The following HDAC3 variants were observed in gnomAD, a reference collection of about 807,000 sequenced individuals.
HDAC3 encodes histone deacetylase 3, also known as SMAP45.
Under a neutral mutation model 62.3 loss-of-function variants are expected in HDAC3, and 21 were observed. That is an observed-to-expected ratio of 0.34 (90% CI 0.24 to 0.49). HDAC3 has a LOEUF of 0.49. Ranked by LOEUF, HDAC3 falls within the 20% of genes least tolerant of loss-of-function variation. The probability of loss-of-function intolerance (pLI) is 0.99; values close to 1 mark genes in which losing one functional copy is unlikely to be tolerated. For synonymous variants in HDAC3, 198 were observed against 206.5 expected, an observed-to-expected ratio of 0.96 and a Z score of 0.35; for missense variants, 270 against 556.9, an observed-to-expected ratio of 0.48 and a Z score of 5.19.
rs1438561064 is a variant in HDAC3 at position 141,621,460 on chromosome 5, A to G, written c.*8T>C. ...AAATTCCTTGGGACACAGCATCCCA[A>G]GCCACTCTTAAATCTCCACATCGCT... is the stretch of plus-strand genomic sequence containing the variant. On this transcript the variant is annotated 3_prime_UTR_variant, in exon 15 of 15. Transcript: ENST00000305264. 1 of 1,613,256 alleles carries G rather than the reference A, an allele frequency of 6.2e-7. No individual in the cohort carries two copies.
Position 141,634,902 on chromosome 5 carries a change from C to T in HDAC3, c.190G>A (p.Glu64Lys). The T allele has an allele frequency of 6.2e-7, 1 of 1,614,110 alleles. No individual in the cohort carries two copies. The highest frequency in any genetic ancestry group is 8.5e-7 in the Non-Finnish European group (1 of 1,180,022). The change falls in exon 3 of 15, where the codon GAG (glutamate) becomes AAG (lysine). Residue 64 changes from glutamate (E) to lysine (K), a missense_variant. By Grantham distance (56) the Glu-to-Lys change is moderately conservative (BLOSUM62 1). Coordinates refer to ENST00000305264, the MANE Select transcript of HDAC3 (RefSeq NM_003883.4). The part of the protein sequence containing the change: ...SQHDMCRFHS[E>K]DYIDFLQRVS... ...CTCTGCAGGAAGTCAATGTAGTCCT[C>T]GGAGTGGAAGCGGCACATGTCATGT...
At chr5:141,630,545 T>C (rs2099905048) in intron 3 of HDAC3, among the ~76,000 whole-genome samples, 1 of 152,238 alleles carries the variant, frequency 6.6e-6, no homozygotes, top group Admixed American at 6.5e-5. Flanking sequence ...TACCTACATA[T>C]GTGAAACAGT....
In HDAC3 at chr5:141,630,591, T is replaced by C. The variant is rs369479318; in HGVS notation, c.282-466A>G. The stretch of plus-strand genomic sequence containing the variant: ...CCCACGAAAAGCCTGTAGCACAGTA[T>C]ACAGTATCCGCTCAGCCTTTAATAA... On this transcript the variant is annotated intron_variant, in intron 3 of 14. Transcript: ENST00000305264. Among the ~76,000 whole-genome samples, 78 of 152,354 alleles carry C rather than the reference T, an allele frequency of 5.1e-4. No individual in the cohort carries two copies. In the South Asian group the frequency reaches 7.7e-3, roughly 15 times the overall value.
At chr5:141,635,817 A>G (rs2099905890) in intron 2 of HDAC3, 1 of 152,230 alleles carries the variant, frequency 6.6e-6, no homozygotes, top group African/African-American at 2.4e-5. Context: ...CTGTGGCCCA[A>G]GCTGGTCTCC....
rs749513334 is a variant in HDAC3 at position 141,628,008 on chromosome 5, C to A, written c.766-51G>T. On this transcript the variant is annotated intron_variant, in intron 9 of 14. Transcript: ENST00000305264. This position sits in a 1 kb window ranked among gnomAD's most constrained non-coding sequence, Gnocchi z 4.7. ...GTGCAGTGATCAGAACTGATCAGAACATCACAGATACCCCTTCCACCACCA... is the reference window on the plus strand; with the variant it reads ...GTGCAGTGATCAGAACTGATCAGAAAATCACAGATACCCCTTCCACCACCA... 1.9e-5 allele frequency: 30 copies of A among 1,606,476 alleles called. No individual in the cohort carries two copies. The highest frequency in any genetic ancestry group is 2.5e-5 in the Non-Finnish European group (29 of 1,173,102).
intron 3 of HDAC3, among the ~76,000 whole-genome samples, 172 bp downstream of exon 3, chr5:141,634,639 G>A (rs773773353): frequency 1.3e-5 from 2 of 152,128 alleles, no homozygotes; most frequent in Non-Finnish European, 2.9e-5. Flanking sequence ...ACTTAGCACA[G>A]GGCCTGCCTA....
chr5:141,628,212 C>A lies in HDAC3; in HGVS notation c.692-25G>T, dbSNP rs763787232. 6 of 1,601,184 alleles carry A rather than the reference C, an allele frequency of 3.7e-6. No individual in the cohort carries two copies. Among genetic ancestry groups the A allele is most frequent in the South Asian group, 3.3e-5 (3 of 90,842 alleles). ...CCTGGGAGAGGGCCAAAGATGGGCA[C>A]CTGGCACCCCAAGGGGATGGGGAGA... On this transcript the variant is annotated intron_variant, in intron 8 of 14. Coordinates refer to ENST00000305264, the MANE Select transcript of HDAC3 (RefSeq NM_003883.4). The surrounding 1 kb of genome is among the most constrained non-coding windows in gnomAD (Gnocchi z 4.7).
chr5:141,626,318 G>T lies in HDAC3; in HGVS notation c.831-35C>A. ...GGAACCAGAGGAAGATGTGGAGGAG[G>T]TTATCAAAAGACAAGGTAAATACCT... On this transcript the variant is annotated intron_variant, in intron 10 of 14. Coordinates refer to ENST00000305264, the MANE Select transcript of HDAC3 (RefSeq NM_003883.4). This position sits in a 1 kb window ranked among gnomAD's most constrained non-coding sequence, Gnocchi z 4.6. The T allele has an allele frequency of 6.5e-7, 1 of 1,530,704 alleles. No homozygotes were observed. The highest frequency in any genetic ancestry group is 1.7e-4 in the Middle Eastern group (1 of 5,890). 94.8% of individuals were successfully genotyped at this position (1,530,704 alleles called of 1,614,324 possible). A position where few individuals can be genotyped will look rare whatever the true frequency, so the allele number is the denominator to read the frequency against.
chr5:141,630,611 TAATA>T (rs1409452055), intron 3 of HDAC3, among the ~76,000 whole-genome samples: 1 of 152,238 alleles, frequency 6.6e-6, no homozygotes, highest in Non-Finnish European at 1.5e-5. Flanking sequence ...GCTCAGCCTT[TAATA>T]AATGTCAGCT....
chr5:141,634,034 G>A (rs1057483989), intron 3 of HDAC3, among the ~76,000 whole-genome samples: 1 of 152,044 alleles, frequency 6.6e-6, no homozygotes, highest in Non-Finnish European at 1.5e-5. Flanking sequence ...GTAGAGTGTG[G>A]CTTATCTTTG....
intron 14 of HDAC3, among the ~76,000 whole-genome samples, chr5:141,621,945 G>A (rs527517674): frequency 1.3e-5 from 2 of 152,344 alleles, no homozygotes; most frequent in South Asian, 2.1e-4. Context: ...CCTAAAGTCT[G>A]AGGAGGAGCT....
chr5:141,636,327 A>T, intron 2 of HDAC3: 2 of 585,894 alleles, frequency 3.4e-6, no homozygotes, highest in Non-Finnish European at 6.2e-6. Flanking sequence ...TAGTGTGCCT[A>T]CAGTCAGAGG....
chr5:141,633,322 T>C (rs2099905503), intron 3 of HDAC3, among the ~76,000 whole-genome samples: 1 of 152,240 alleles, frequency 6.6e-6, no homozygotes, highest in Non-Finnish European at 1.5e-5. Context: ...AAAATAATTA[T>C]GAGACAACTG....
chr5:141,624,862 T>A (rs898348955), intron 14 of HDAC3: 1 of 183,392 alleles, frequency 5.5e-6, no homozygotes, highest in African/African-American at 2.4e-5. Context: ...AAACTGTAAA[T>A]GAGTGTATAT....
chr5:141,624,457 T>C (rs2099904170), intron 14 of HDAC3, among the ~76,000 whole-genome samples: 1 of 134,490 alleles, frequency 7.4e-6, no homozygotes, highest in African/African-American at 2.8e-5. Flanking sequence ...CTCGAGGGGC[T>C]GAGGCAGGAG....
At position 141,628,672 on chromosome 5, in the gene HDAC3, G is replaced by A. The variant is rs2099904790; in HGVS notation, c.611-33C>T. 2 of 1,553,188 alleles carry A rather than the reference G, an allele frequency of 1.3e-6. No individual in the cohort carries two copies. The highest frequency in any genetic ancestry group is 1.8e-6 in the Non-Finnish European group (2 of 1,126,104). On this transcript the variant is annotated intron_variant, in intron 7 of 14. Coordinates refer to ENST00000305264, the MANE Select transcript of HDAC3 (RefSeq NM_003883.4). This position sits in a 1 kb window ranked among gnomAD's most constrained non-coding sequence, Gnocchi z 4.7. ...GAAGTGGGTGGTGGTAGCCACACAT[G>A]GGAAGCACCCACAACCCAGCTGTTT...
rs940042604 is a variant in HDAC3 at position 141,624,822 on chromosome 5, T to A, written c.1217+386A>T. 4 of 168,102 alleles carry A rather than the reference T, an allele frequency of 2.4e-5. No individual in the cohort carries two copies. In the Admixed American group the frequency reaches 2.5e-4, roughly 10 times the overall value. 10.4% of individuals were successfully genotyped at this position (168,102 alleles called of 1,614,324 possible). ...AAGCAGCATACGTAGAATGACCCTA[T>A]TTGTATTTACGAAAAACCAAAAACC... is the stretch of plus-strand genomic sequence containing the variant. On this transcript the variant is annotated intron_variant, in intron 14 of 14. Coordinates refer to ENST00000305264, the MANE Select transcript of HDAC3 (RefSeq NM_003883.4).
intron 3 of HDAC3, among the ~76,000 whole-genome samples, chr5:141,634,588 G>A (rs1041875956): frequency 1.3e-5 from 2 of 152,060 alleles, no homozygotes; most frequent in African/African-American, 4.8e-5. Context: ...GCAAAAATAC[G>A]ATATTAAAAT....
intron 3 of HDAC3, among the ~76,000 whole-genome samples, chr5:141,630,976 C>T (rs530323462): frequency 6.6e-6 from 1 of 151,602 alleles, no homozygotes; most frequent in African/African-American, 2.4e-5. Context: ...TGTGAGCCAT[C>T]GGCGCTGGCC....
Sources: allele counts gnomAD v4.1 joint callset (sites outside exome capture counted in the v4.1 genomes callset), GRCh38; gene constraint gnomAD v4.1.1; non-coding constraint Gnocchi (gnomAD v3.1); transcripts MANE v1.5; gene names NCBI Gene and HGNC (gene_info 2026-07-23, HGNC 2026-07-21).